The following CAMTA1 variants were observed in gnomAD, a reference collection of about 807,000 sequenced individuals.
CAMTA1 encodes the protein calmodulin-binding transcription activator 1.
In CAMTA1, 27 loss-of-function variants were observed where a neutral mutation model predicts 170.9. The ratio of observed to expected loss-of-function variants is 0.16; its 90% CI spans 0.12 to 0.22. CAMTA1 has a LOEUF of 0.22. CAMTA1 is among the 10% of genes least tolerant of loss of function. The probability of loss-of-function intolerance (pLI) is 1.00; values close to 1 mark genes in which losing one functional copy is unlikely to be tolerated. For missense variants in CAMTA1, 1,619 were observed against 2,217.2 expected, an observed-to-expected ratio of 0.73 and a Z score of 5.42; for synonymous variants, 833 against 891.5, an observed-to-expected ratio of 0.93 and a Z score of 1.17.
At chr1:7,339,027 G>A (rs1193647687) in intron 5 of CAMTA1, among the ~76,000 whole-genome samples, 4 of 152,118 alleles carry the variant, frequency 2.6e-5, no homozygotes, top group Non-Finnish European at 2.9e-5. Flanking sequence ...TAAACAACTG[G>A]ATGTGGTGAG....
intron 3 of CAMTA1, among the ~76,000 whole-genome samples, chr1:7,059,245 TG>T (rs1336308925): frequency 6.6e-6 from 1 of 152,166 alleles, no homozygotes; most frequent in Non-Finnish European, 1.5e-5. Flanking sequence ...GACTCAAGAA[TG>T]GTTCATTAAA....
chr1:7,439,246 C>T (rs2092446270), intron 5 of CAMTA1, among the ~76,000 whole-genome samples: 1 of 152,182 alleles, frequency 6.6e-6, no homozygotes, highest in Admixed American at 6.5e-5. Context: ...TGCCTGGGTC[C>T]ATGCTGCCAC....
intron 5 of CAMTA1, among the ~76,000 whole-genome samples, chr1:7,273,638 A>G (rs1426797685): frequency 1.3e-5 from 2 of 152,146 alleles, no homozygotes; most frequent in Non-Finnish European, 2.9e-5. Context: ...GGGTGATGAA[A>G]ATGCTCCAAA....
At chr1:7,488,121 A>G (rs11120945) in intron 6 of CAMTA1, among the ~76,000 whole-genome samples, 1 of 152,208 alleles carries the variant, frequency 6.6e-6, no homozygotes, top group Admixed American at 6.5e-5. Context: ...AATCTCTCTA[A>G]AATCTCTCTG....
intron 4 of CAMTA1, among the ~76,000 whole-genome samples, chr1:7,117,427 G>A (rs138638284): frequency 4.7e-4 from 71 of 152,318 alleles, no homozygotes; most frequent in Non-Finnish European, 8.8e-4. Flanking sequence ...TGGCAGCCTG[G>A]AGAGTAATGA....
chr1:7,182,296 T>G (rs1004409763), intron 4 of CAMTA1, among the ~76,000 whole-genome samples: 14 of 152,262 alleles, frequency 9.2e-5, no homozygotes, highest in Non-Finnish European at 1.0e-4. Context: ...ATCCTTGCAC[T>G]TTGGGGGGCC....
intron 22 of CAMTA1, among the ~76,000 whole-genome samples, chr1:7,758,986 GTATTCCA>G (rs2096954820): frequency 6.8e-6 from 1 of 147,776 alleles, no homozygotes; most frequent in African/African-American, 2.5e-5. Context: ...AATTTGTAAA[GTATTCCA>G]TATTTAAAAC....
In CAMTA1 at chr1:7,736,469, C is replaced by T. The variant is rs774508948; in HGVS notation, c.3192C>T (p.Arg1064=). The T allele has an allele frequency of 1.4e-4, 226 of 1,614,126 alleles. No homozygotes were observed. In the East Asian group the frequency reaches 4.6e-3, roughly 33 times the overall value. Reference sequence around the variant, plus strand: ...ACTTGATCCACTCAAAGACTTTCCGCGGAATGACCCTACTCCACCTGGCCG... The same window carrying T: ...ACTTGATCCACTCAAAGACTTTCCGTGGAATGACCCTACTCCACCTGGCCG... ...SKHLIHSKTF[R]GMTLLHLAAA... is the part of the protein sequence containing the mutation. The change falls in exon 13 of 23, where the codon CGC becomes CGT. Residue 1064 remains arginine, a synonymous_variant. Coordinates refer to ENST00000303635, the MANE Select transcript of CAMTA1 (RefSeq NM_015215.4). The surrounding 1 kb of genome is among the most constrained non-coding windows in gnomAD (Gnocchi z 4.5).
chr1:7,600,706 A>G (rs2095433779), intron 6 of CAMTA1, among the ~76,000 whole-genome samples: 1 of 152,030 alleles, frequency 6.6e-6, no homozygotes, highest in African/African-American at 2.4e-5. Flanking sequence ...GCTGCCTTCA[A>G]GCATCTGTTT....
chr1:6,860,914 A>AAAAAC (rs1182578178), intron 3 of CAMTA1, among the ~76,000 whole-genome samples: 1 of 151,756 alleles, frequency 6.6e-6, no homozygotes, highest in African/African-American at 2.4e-5. Context: ...TCCATCTCAA[A>AAAAAC]AAAACAAAAC....
chr1:7,354,852 A>G (rs970550426), intron 5 of CAMTA1, among the ~76,000 whole-genome samples: 3 of 152,044 alleles, frequency 2.0e-5, no homozygotes, highest in African/African-American at 4.8e-5. Context: ...CTTGTTGGCT[A>G]TGTGTATGTC....
intron 5 of CAMTA1, chr1:7,389,437 G>A (rs845228): frequency 0.71 from 108,110 of 152,442 alleles, 38,838 homozygotes; most frequent in Middle Eastern, 0.8. Context: ...TCCCCTGGCC[G>A]GCCTGGGAGA....
intron 15 of CAMTA1, 29 bp downstream of exon 15, chr1:7,737,599 A>G (rs760750119): frequency 1.3e-6 from 2 of 1,563,754 alleles, no homozygotes; most frequent in Non-Finnish European, 1.7e-6. Flanking sequence ...GACATCTCAG[A>G]GCTTGACAGA....
At chr1:7,425,127 G>A (rs898383430) in intron 5 of CAMTA1, among the ~76,000 whole-genome samples, 6 of 152,264 alleles carry the variant, frequency 3.9e-5, no homozygotes, top group African/African-American at 9.6e-5. Flanking sequence ...AGTGTACACC[G>A]GCTCACTATT....
chr1:7,102,222 C>T (rs1243776543), intron 4 of CAMTA1, among the ~76,000 whole-genome samples: 3 of 152,134 alleles, frequency 2.0e-5, no homozygotes, highest in Non-Finnish European at 2.9e-5. Context: ...CCTGACCTCA[C>T]CTGGCAGGGA....
chr1:7,670,763 T>C, intron 9 of CAMTA1, 148 bp from the exon 10 acceptor site: 1 of 862,158 alleles, frequency 1.2e-6, no homozygotes, highest in Non-Finnish European at 1.8e-6. Flanking sequence ...CGGGGCTCAC[T>C]GCAATCCCTG....
chr1:7,223,442 G>C (rs901602973), intron 4 of CAMTA1, among the ~76,000 whole-genome samples: 1 of 152,010 alleles, frequency 6.6e-6, no homozygotes, highest in African/African-American at 2.4e-5. Flanking sequence ...AGAGTCTTGA[G>C]AAATGGATAC....
chr1:7,428,367 G>T (rs755370851), intron 5 of CAMTA1, among the ~76,000 whole-genome samples: 1 of 152,048 alleles, frequency 6.6e-6, no homozygotes, highest in Admixed American at 6.5e-5. Context: ...GATCTTTGGG[G>T]TGGGGGCTCT....
chr1:7,706,208 C>A (rs1401823131), intron 11 of CAMTA1, among the ~76,000 whole-genome samples: 2 of 152,214 alleles, frequency 1.3e-5, no homozygotes, highest in African/African-American at 2.4e-5. Flanking sequence ...TGCTGGCAGC[C>A]TGAAGTATCT....
Sources: gnomAD v4.1 joint callset for allele counts (sites outside exome capture counted in the v4.1 genomes callset) on GRCh38, gnomAD v4.1.1 for gene constraint, Gnocchi (gnomAD v3.1) non-coding constraint, MANE v1.5 for transcripts, NCBI Gene and HGNC (gene_info 2026-07-23, HGNC 2026-07-21) for gene names.